RRP12: variants seen among roughly 807,000 people sequenced by gnomAD.
RRP12 encodes RRP12-like protein.
A neutral mutation model predicts 157.3 loss-of-function variants in RRP12; 78 were observed. That is an observed-to-expected ratio of 0.50 (90% confidence interval 0.41 to 0.60). RRP12 has a LOEUF of 0.60. RRP12 is among the 20% of genes least tolerant of loss of function. RRP12 has a pLI of 0.00. For missense variants in RRP12, 1,521 were observed against 1,679.9 expected (o/e 0.91, Z 1.65); for synonymous variants, 726 against 670.9 (o/e 1.08, Z -1.27).
chr10:97,356,493 C>T (rs1343424420), downstream of RRP12: 9 of 152,280 alleles, frequency 5.9e-5, no homozygotes, highest in African/African-American at 2.2e-4. Flanking sequence ...CTCCCGACAC[C>T]AGCCCTGGGG....
chr10:97,383,166 G>A (rs7920245), intron 10 of RRP12, among the ~76,000 whole-genome samples: 2,326 of 152,294 alleles, frequency 0.015, 60 homozygotes, highest in African/African-American at 0.052. Context: ...CCTAGAGTAC[G>A]ATGATAAGCA....
intron 13 of RRP12, among the ~76,000 whole-genome samples, chr10:97,380,157 G>C (rs1005575913): frequency 5.3e-5 from 8 of 152,182 alleles, no homozygotes; most frequent in Non-Finnish European, 1.0e-4. Flanking sequence ...GGCCCTGCCT[G>C]GCCTCTTGTA....
chr10:97,385,171 C>T lies in RRP12; in HGVS notation c.1203G>A (p.Leu401=). The stretch of plus-strand genomic sequence containing the variant: ...CACCCCTCCTTCATCCGTACCTCAC[C>T]AGGTTGATGTGGGCTTTCTCCATGA... ...LKVMEKAHIN[L]VRLQWDLGLG... The change falls in exon 10 of 34, where the codon CTG becomes CTA. Residue 401 remains leucine (L), a synonymous_variant. Transcript: ENST00000370992. 6.2e-7 allele frequency: 1 copy of T among 1,612,896 alleles called. No homozygotes were observed. Among genetic ancestry groups the T allele is most frequent in the African/African-American group, 1.3e-5 (1 of 75,026 alleles).
At chr10:97,391,789 C>A (rs1004651232) in intron 4 of RRP12, among the ~76,000 whole-genome samples, 2 of 151,886 alleles carry the variant, frequency 1.3e-5, no homozygotes, top group Non-Finnish European at 2.9e-5. Context: ...GACGTGGTGG[C>A]GGGCGCCTGT....
chr10:97,391,936 A>C (rs1387926366), intron 4 of RRP12, among the ~76,000 whole-genome samples: 1 of 152,004 alleles, frequency 6.6e-6, no homozygotes, highest in Non-Finnish European at 1.5e-5. Flanking sequence ...GAAAAAAACA[A>C]CACACCATTT....
intron 8 of RRP12, among the ~76,000 whole-genome samples, chr10:97,386,501 A>G (rs900445485): frequency 5.9e-5 from 9 of 152,100 alleles, no homozygotes; most frequent in African/African-American, 9.7e-5. Context: ...TTTATCATGT[A>G]TATTTGTTTA....
At chr10:97,380,334 G>C (rs1844431525) in intron 13 of RRP12, among the ~76,000 whole-genome samples, 1 of 152,130 alleles carries the variant, frequency 6.6e-6, no homozygotes, top group Non-Finnish European at 1.5e-5. Flanking sequence ...ACCAGTCTGG[G>C]GGCTGTCCTC....
chr10:97,372,205 T>G (rs751151256), intron 19 of RRP12, 39 bp from the exon 20 acceptor site: 1 of 1,532,898 alleles, frequency 6.5e-7, no homozygotes, highest in Non-Finnish European at 9.0e-7. Context: ...GATGGGGAGC[T>G]GGAGAAGGGC....
rs757886609 is a variant in RRP12, at chr10:97,360,527, A to G, written c.3640+19T>C. The G allele has an allele frequency of 1.3e-6, 2 of 1,589,370 alleles. No individual in the cohort carries two copies. Among genetic ancestry groups the G allele is most frequent in the Non-Finnish European group, 1.7e-6 (2 of 1,157,788 alleles). On this transcript the variant is annotated intron_variant, in intron 31 of 33. Coordinates refer to ENST00000370992, the MANE Select transcript of RRP12 (RefSeq NM_015179.4). ...GACAGGGATCCATGTGTCCCAGGAG[A>G]GAGGAGTGGAAGCCTCACCTTGGTA...
At chr10:97,396,110 G>C (rs1181338487) in intron 3 of RRP12, 108 bp downstream of exon 3, 1 of 788,786 alleles carries the variant, frequency 1.3e-6, no homozygotes, top group African/African-American at 1.7e-5. Context: ...CTTTCACCTG[G>C]TCAAGGTTGT....
Position 97,366,861 on chromosome 10 carries a change from C to T in RRP12, c.3096G>A (p.Leu1032=), listed in dbSNP as rs530502712. 2 of 1,614,174 alleles carry T rather than the reference C, an allele frequency of 1.2e-6. No homozygotes were observed. Among genetic ancestry groups the T allele is most frequent in the Admixed American group, 1.7e-5 (1 of 60,026 alleles). ...GGGCCTCAGCTTTCCGGATGTTGAC[C>T]AGGACTCTGTGGTACTCCTCGGGCA... is the stretch of plus-strand genomic sequence containing the variant. ...RLLPEEYHRV[L]VNIRKAEARA... The change falls in exon 27 of 34, where the codon CTG becomes CTA. Residue 1032 remains leucine, a synonymous_variant. Transcript: ENST00000370992.
Position 97,367,058 on chromosome 10 carries a change from C to T in RRP12, c.3030G>A (p.Lys1010=). ...FRMKLRNLFT[K]FIRKFGFELV... ...GCACAGACCCAAACTTGCGGATGAA[C>T]TTGGTGAACAGGTTCCGAAGCTTCA... is the stretch of plus-strand genomic sequence containing the variant. The change falls in exon 26 of 34, where the codon AAG becomes AAA. Residue 1010 remains lysine, a synonymous_variant. Coordinates refer to ENST00000370992, the MANE Select transcript of RRP12 (RefSeq NM_015179.4). 6.2e-7 allele frequency: 1 copy of T among 1,614,220 alleles called. No individual in the cohort carries two copies. Among genetic ancestry groups the T allele is most frequent in the African/African-American group, 1.3e-5 (1 of 75,070 alleles).
intron 30 of RRP12, among the ~76,000 whole-genome samples, chr10:97,361,634 G>C (rs945310338): frequency 6.6e-6 from 1 of 152,240 alleles, no homozygotes; most frequent in Non-Finnish European, 1.5e-5. Context: ...GCCCAGCTGA[G>C]TGGGCTCCTA....
intron 15 of RRP12, 79 bp downstream of exon 15, chr10:97,379,214 C>G: frequency 6.5e-7 from 1 of 1,529,482 alleles, no homozygotes; most frequent in Non-Finnish European, 9.0e-7. Flanking sequence ...TGGGACTCAG[C>G]ACCCTTCCCA....
intron 25 of RRP12, 50 bp from the exon 26 acceptor site, chr10:97,367,182 G>T (rs752572242): frequency 6.6e-7 from 1 of 1,516,180 alleles, no homozygotes; most frequent in Admixed American, 1.7e-5. Context: ...TCCATGCTGC[G>T]CCCCCTTTAC....
Position 97,371,015 on chromosome 10 carries a change from C to A in RRP12, c.2410G>T (p.Gly804Cys). The change falls in exon 21 of 34, where the codon GGC (glycine) becomes TGC (cysteine). Residue 804 changes from glycine to cysteine, a missense_variant. Coordinates refer to ENST00000370992, the MANE Select transcript of RRP12 (RefSeq NM_015179.4). Reference protein sequence around the residue: ...VLEEVCASPQGPGALFVQSHL... With the variant: ...VLEEVCASPQCPGALFVQSHL... ...CTCTGCACGAAGAGGGCCCCGGGGCCCTGAGGACTGGCACACACCTCCTCC... is the reference window on the plus strand; with the variant it reads ...CTCTGCACGAAGAGGGCCCCGGGGCACTGAGGACTGGCACACACCTCCTCC... 6.2e-7 allele frequency: 1 copy of A among 1,613,920 alleles called. No individual in the cohort carries two copies. Among genetic ancestry groups the A allele is most frequent in the Non-Finnish European group, 8.5e-7 (1 of 1,179,968 alleles).
intron 30 of RRP12, among the ~76,000 whole-genome samples, chr10:97,362,257 G>A (rs1843863941): frequency 1.3e-5 from 2 of 152,208 alleles, no homozygotes; most frequent in Admixed American, 1.3e-4. Context: ...CTCTGCCCGG[G>A]GCAGTGGGGG....
At chr10:97,392,215 C>T (rs1034048137) in intron 4 of RRP12, among the ~76,000 whole-genome samples, 1 of 152,092 alleles carries the variant, frequency 6.6e-6, no homozygotes, top group African/African-American at 2.4e-5. Flanking sequence ...CAACAGTCCA[C>T]CTGCCTCAGC....
chr10:97,371,241 T>C, intron 20 of RRP12, 160 bp from the exon 21 acceptor site: 1 of 751,260 alleles, frequency 1.3e-6, no homozygotes, highest in Non-Finnish European at 2.1e-6. Context: ...AGTGGCTAAC[T>C]CCTGGGCGAG....
Sources: allele counts gnomAD v4.1 joint callset (sites outside exome capture counted in the v4.1 genomes callset), GRCh38; gene constraint gnomAD v4.1.1; transcripts MANE v1.5; gene names NCBI Gene and HGNC (gene_info 2026-07-23, HGNC 2026-07-21).